ITGA9: variants seen among roughly 807,000 people sequenced by gnomAD.
The protein encoded by ITGA9 is integrin subunit alpha 9.
A neutral mutation model predicts 127.8 loss-of-function variants in ITGA9; 56 were observed. The observed-to-expected ratio is 0.44, with a 90% CI of 0.35 to 0.55. The LOEUF is 0.55. Ranked by LOEUF, ITGA9 falls within the 20% of genes least tolerant of loss-of-function variation. The pLI is 0.00. For missense variants in ITGA9, 1,196 were observed against 1,347.1 expected (o/e 0.89, Z 1.76); for synonymous variants, 508 against 514.5 (o/e 0.99, Z 0.17).
At chr3:37,754,286 G>C (rs1696624694) in intron 23 of ITGA9, among the ~76,000 whole-genome samples, 1 of 152,200 alleles carries the variant, frequency 6.6e-6, no homozygotes, top group African/African-American at 2.4e-5. Flanking sequence ...TTCACTTGAT[G>C]GAGTTAAAAA....
At chr3:37,612,274 A>G (rs1211316875) in intron 15 of ITGA9, among the ~76,000 whole-genome samples, 2 of 152,342 alleles carry the variant, frequency 1.3e-5, no homozygotes, top group Non-Finnish European at 2.9e-5. Flanking sequence ...TTTTACATAC[A>G]TAGAATAAAA....
chr3:37,725,832 G>A (rs1696183595), intron 18 of ITGA9, among the ~76,000 whole-genome samples: 1 of 152,252 alleles, frequency 6.6e-6, no homozygotes, highest in Non-Finnish European at 1.5e-5. Flanking sequence ...GAGGCTTAGA[G>A]AAAGGATGGT....
chr3:37,623,837 T>A lies in ITGA9; in HGVS notation c.1690-5350T>A, dbSNP rs150782565. Among the ~76,000 whole-genome samples the A allele has an allele frequency of 5.2e-4, 79 of 152,258 alleles. No homozygotes were observed. The East Asian group carries it at 0.015, about 29-fold the overall frequency. ...AAGCTGATGAAAATTTTAAAGTAGC[T>A]TATAACATTTTAACTGTGATCTTAT... On this transcript the variant is annotated intron_variant, in intron 15 of 27. Coordinates refer to ENST00000264741, the MANE Select transcript of ITGA9 (RefSeq NM_002207.3).
At chr3:37,787,114 A>C (rs1697051174) in intron 26 of ITGA9, among the ~76,000 whole-genome samples, 1 of 152,238 alleles carries the variant, frequency 6.6e-6, no homozygotes, top group Admixed American at 6.5e-5. Context: ...GGGAAGTGAA[A>C]AAGAAAAGTG....
intron 21 of ITGA9, among the ~76,000 whole-genome samples, chr3:37,742,458 T>C (rs1696450080): frequency 1.3e-5 from 2 of 152,232 alleles, no homozygotes; most frequent in African/African-American, 4.8e-5. Flanking sequence ...GGCTGCAGTC[T>C]GTGGAGACCT....
intron 16 of ITGA9, among the ~76,000 whole-genome samples, chr3:37,651,661 G>A (rs1700430669): frequency 6.6e-6 from 1 of 152,214 alleles, no homozygotes; most frequent in Non-Finnish European, 1.5e-5. Context: ...AGGGAAAAGT[G>A]TGTGGAACTG....
chr3:37,553,189 T>C (rs900967063), intron 15 of ITGA9, among the ~76,000 whole-genome samples: 1 of 152,214 alleles, frequency 6.6e-6, no homozygotes, highest in Non-Finnish European at 1.5e-5. Context: ...GGAGACGCGA[T>C]GCCCCCTTAT....
At chr3:37,494,786 A>T (rs945373676) in intron 5 of ITGA9, among the ~76,000 whole-genome samples, 18 of 152,104 alleles carry the variant, frequency 1.2e-4, no homozygotes, top group East Asian at 3.9e-4. Flanking sequence ...GGGGTGGCTC[A>T]TCTCGAGGCT....
At chr3:37,797,704 C>A (rs994701627) in intron 26 of ITGA9, among the ~76,000 whole-genome samples, 1 of 152,120 alleles carries the variant, frequency 6.6e-6, no homozygotes, top group Non-Finnish European at 1.5e-5. Flanking sequence ...AAGTCTTCTA[C>A]GTATTAGATA....
intron 15 of ITGA9, among the ~76,000 whole-genome samples, chr3:37,550,952 G>A (rs987290905): frequency 3.3e-5 from 5 of 152,092 alleles, no homozygotes; most frequent in Non-Finnish European, 7.4e-5. Context: ...GTGAGTATTG[G>A]GCTTCTAGCA....
At chr3:37,566,663 A>G (rs994396042) in intron 15 of ITGA9, among the ~76,000 whole-genome samples, 3 of 152,200 alleles carry the variant, frequency 2.0e-5, no homozygotes, top group African/African-American at 7.2e-5. Context: ...TTGGCTACAG[A>G]GGAGAAAGAT....
At chr3:37,683,798 C>G in intron 17 of ITGA9, 67 bp from the exon 18 acceptor site, 1 of 1,534,302 alleles carries the variant, frequency 6.5e-7, no homozygotes, top group Non-Finnish European at 9.0e-7. Context: ...CTTCAACTAC[C>G]CCCTGTGCCT....
intron 23 of ITGA9, among the ~76,000 whole-genome samples, chr3:37,774,678 A>C (rs1316332358): frequency 1.3e-5 from 2 of 152,048 alleles, no homozygotes; most frequent in African/African-American, 4.8e-5. Context: ...AGTGAGCTGG[A>C]CTACTGTACT....
chr3:37,652,995 C>T (rs772363868), intron 16 of ITGA9, among the ~76,000 whole-genome samples: 16 of 152,216 alleles, frequency 1.1e-4, no homozygotes, highest in Non-Finnish European at 2.1e-4. Flanking sequence ...AGGCCCAGGC[C>T]CAGGCACAGC....
At chr3:37,598,209 G>T (rs1250810099) in intron 15 of ITGA9, among the ~76,000 whole-genome samples, 1 of 152,018 alleles carries the variant, frequency 6.6e-6, no homozygotes, top group African/African-American at 2.4e-5. Context: ...TATGACGCAG[G>T]TATAGAAATA....
chr3:37,616,044 TA>T (rs1158292515), intron 15 of ITGA9, among the ~76,000 whole-genome samples: 61 of 147,102 alleles, frequency 4.1e-4, no homozygotes, highest in South Asian at 1.1e-3. Flanking sequence ...CTAGTTCTTT[TA>T]ATTGTGATGT....
At position 37,508,460 on chromosome 3, in the gene ITGA9, G is replaced by A; in HGVS notation, c.829-99G>A. On this transcript the variant is annotated intron_variant, in intron 7 of 27. Transcript: ENST00000264741. The stretch of plus-strand genomic sequence containing the variant: ...GCATAAGCACATCTGCTGTGCACCT[G>A]GCTCTTAAGCTTTTAAATAGGACTC... The A allele has an allele frequency of 5.5e-6, 5 of 910,922 alleles. No individual in the cohort carries two copies. The South Asian group carries it at 5.7e-5, about 10-fold the overall frequency. The allele number at this position is 910,922 out of a possible 1,614,324, so 56.4% of individuals were successfully genotyped here. A position where few individuals can be genotyped will look rare whatever the true frequency, so the allele number is the denominator to read the frequency against.
intron 15 of ITGA9, among the ~76,000 whole-genome samples, chr3:37,590,722 G>A (rs566312101): frequency 1.3e-5 from 2 of 152,272 alleles, no homozygotes; most frequent in East Asian, 3.9e-4. Flanking sequence ...CTGTGGGTGG[G>A]CCCTAGTGGG....
chr3:37,494,456 A>G, intron 4 of ITGA9, 45 bp from the exon 5 acceptor site: 3 of 1,400,914 alleles, frequency 2.1e-6, no homozygotes, highest in African/African-American at 2.8e-5. Context: ...GCTGGCATAC[A>G]CTGACATGGC....
Sources: allele counts gnomAD v4.1 joint callset (sites outside exome capture counted in the v4.1 genomes callset), GRCh38; gene constraint gnomAD v4.1.1; transcripts MANE v1.5; gene names NCBI Gene and HGNC (gene_info 2026-07-23, HGNC 2026-07-21).